Variants in GIPR observed in about 807,000 individuals in gnomAD.
The protein encoded by GIPR is GIP-R.
A neutral mutation model predicts 62.2 loss-of-function variants in GIPR; 74 were observed. The observed-to-expected ratio is 1.19, with a 90% CI of 0.99 to 1.44. The LOEUF (loss-of-function observed/expected upper bound fraction) is 1.44. GIPR is among the 40% of genes most tolerant of loss of function. The pLI is 0.00. For missense variants in GIPR, 664 were observed against 611.8 expected (o/e 1.09, Z -0.90); for synonymous variants, 256 against 262.2 (o/e 0.98, Z 0.23).
At position 45,677,927 on chromosome 19, in the gene GIPR, C is replaced by G; in HGVS notation, c.946C>G (p.Arg316Gly). 6.2e-7 allele frequency: 1 copy of G among 1,613,970 alleles called. No homozygotes were observed. Among genetic ancestry groups the G allele is most frequent in the Non-Finnish European group, 8.5e-7 (1 of 1,179,960 alleles). The part of the protein sequence containing the change: ...TILINFLIFI[R>G]ILGILLSKLR... Reference sequence around the variant, plus strand: ...ACAGATTAATTTCCTCATTTTTATCCGCATTCTTGGCATTCTCCTGTCCAA... The same window carrying G: ...ACAGATTAATTTCCTCATTTTTATCGGCATTCTTGGCATTCTCCTGTCCAA... The change falls in exon 11 of 14, where the codon CGC becomes GGC. Residue 316 changes from arginine to glycine, a missense_variant. Coordinates refer to ENST00000590918, the MANE Select transcript of GIPR (RefSeq NM_000164.4).
intron 4 of GIPR, among the ~76,000 whole-genome samples, chr19:45,671,736 A>G (rs965398752): frequency 6.6e-6 from 1 of 151,648 alleles, no homozygotes; most frequent in African/African-American, 2.4e-5. Flanking sequence ...AGAAGCCGGG[A>G]TTACAGAAGC....
chr19:45,674,237 G>GT, intron 6 of GIPR, 60 bp downstream of exon 6: 1 of 1,042,820 alleles, frequency 9.6e-7, no homozygotes, highest in South Asian at 1.3e-5. Context: ...AGTTTGTCCA[G>GT]TAAGATGGGG....
In GIPR at chr19:45,683,243, G is replaced by A. The variant is rs1023752771; in HGVS notation, c.*1308G>A. 2 of 152,592 alleles carry A rather than the reference G, an allele frequency of 1.3e-5. No individual in the cohort carries two copies. The highest frequency in any genetic ancestry group is 3.8e-4 in the East Asian group (2 of 5,200). The allele number at this position is 152,592 out of a possible 1,614,324, so 9.5% of individuals were successfully genotyped here. A position where few individuals can be genotyped will look rare whatever the true frequency, so the allele number is the denominator to read the frequency against. On this transcript the variant is annotated 3_prime_UTR_variant, in exon 14 of 14. Transcript: ENST00000590918. Reference sequence around the variant, plus strand: ...GAGCTCTCAGGAGAGGGGCGAGCTGGAGATAGTAATGTGAGAGGCACTGGG... The same window carrying A: ...GAGCTCTCAGGAGAGGGGCGAGCTGAAGATAGTAATGTGAGAGGCACTGGG...
intron 2 of GIPR, among the ~76,000 whole-genome samples, chr19:45,669,810 G>C (rs1183071639): frequency 2.0e-5 from 3 of 151,780 alleles, no homozygotes; most frequent in Non-Finnish European, 2.9e-5. Flanking sequence ...TTAGCCGGGC[G>C]TGGTGGCGGC....
chr19:45,669,972 T>C (rs1975452373), intron 2 of GIPR, among the ~76,000 whole-genome samples: 1 of 151,056 alleles, frequency 6.6e-6, no homozygotes. Flanking sequence ...GAGGCTTCCC[T>C]CAGCGCAAAG....
chr19:45,670,969 T>C (rs377246643), intron 3 of GIPR, among the ~76,000 whole-genome samples: 82 of 150,722 alleles, frequency 5.4e-4, no homozygotes, highest in Middle Eastern at 3.4e-3. Context: ...GAAATAAACC[T>C]TGAAGGGGGC....
chr19:45,675,151 G>A (rs894256256), intron 7 of GIPR: 11 of 348,464 alleles, frequency 3.2e-5, no homozygotes, highest in East Asian at 2.4e-4. Context: ...GGCAGGATAC[G>A]AGAAAGTAAG....
chr19:45,681,543 G>A lies in GIPR; in HGVS notation c.1153-61G>A, dbSNP rs934849492. 2.2e-5 allele frequency: 30 copies of A among 1,389,440 alleles called. No homozygotes were observed. The African/African-American group carries it at 4.1e-4, about 19-fold the overall frequency. 86.1% of individuals were successfully genotyped at this position (1,389,440 alleles called of 1,614,324 possible). ...ACAAACAAAAAACGGGGAGGGAGGCGCGGAGGCGGTTACAGTCCTGCCCCC... is the reference window on the plus strand; with the variant it reads ...ACAAACAAAAAACGGGGAGGGAGGCACGGAGGCGGTTACAGTCCTGCCCCC... On this transcript the variant is annotated intron_variant, in intron 12 of 13. Transcript: ENST00000590918.
At position 45,671,346 on chromosome 19, in the gene GIPR, C is replaced by G; in HGVS notation, c.234C>G (p.Ala78=). The G allele has an allele frequency of 6.2e-7, 1 of 1,612,770 alleles. No homozygotes were observed. The highest frequency in any genetic ancestry group is 1.1e-5 in the South Asian group (1 of 91,080). Residue 78 remains alanine, a synonymous_variant, in exon 4 of 14, where the codon GCC becomes GCG. Coordinates refer to ENST00000590918, the MANE Select transcript of GIPR (RefSeq NM_000164.4). ...YVCWDYAAPN[A]TARASCPWYL... ...GCTGGGACTATGCTGCACCCAATGCCACTGCCCGTGCGTCCTGCCCCTGGT... is the reference window on the plus strand; with the variant it reads ...GCTGGGACTATGCTGCACCCAATGCGACTGCCCGTGCGTCCTGCCCCTGGT...
intron 2 of GIPR, chr19:45,670,403 C>G (rs1975471975): frequency 2.2e-6 from 1 of 448,588 alleles, no homozygotes; most frequent in Non-Finnish European, 4.0e-6. Flanking sequence ...TAATTTCCAG[C>G]CACCCCCTCC....
chr19:45,677,358 G>A lies in GIPR; in HGVS notation c.829G>A (p.Val277Ile), dbSNP rs754923594. The A allele has an allele frequency of 1.2e-6, 2 of 1,602,020 alleles. No homozygotes were observed. The highest frequency in any genetic ancestry group is 1.1e-5 in the South Asian group (1 of 90,300). ...PALFVIPWVI[V>I]RYLYENTQCW... ...GCTTTTCGTCATTCCCTGGGTGATC[G>A]TCAGGTACCTGTACGAGAACACGCA... Residue 277 changes from valine (V) to isoleucine (I), a missense_variant, in exon 9 of 14, where the codon GTC becomes ATC. By Grantham distance (29) the Val-to-Ile change is conservative (BLOSUM62 3). Transcript: ENST00000590918.
At chr19:45,668,947 G>T (rs1016459166) in intron 1 of GIPR, among the ~76,000 whole-genome samples, 1 of 152,170 alleles carries the variant, frequency 6.6e-6, no homozygotes, top group African/African-American at 2.4e-5. Flanking sequence ...GAGAGTGGGA[G>T]CTCGGATGGG....
Position 45,676,977 on chromosome 19 carries a change from T to C in GIPR, c.662T>C (p.Ile221Thr), listed in dbSNP as rs916759726. The C allele has an allele frequency of 8.7e-6, 14 of 1,613,948 alleles. No homozygotes were observed. The highest frequency in any genetic ancestry group is 4.4e-5 in the South Asian group (4 of 91,086). ...CTCGCTGCCTGCCGCACGGCCCAGA[T>C]CGTGACCCAGTACTGCGTGGGTGCC... ...QALAACRTAQ[I>T]VTQYCVGANY... The change falls in exon 8 of 14, where the codon ATC (isoleucine) becomes ACC (threonine). Residue 221 changes from isoleucine (I) to threonine (T), a missense_variant. Ile to Thr is a moderately conservative substitution (Grantham distance 89). Coordinates refer to ENST00000590918, the MANE Select transcript of GIPR (RefSeq NM_000164.4).
At chr19:45,674,032 T>G (rs996041136) in intron 5 of GIPR, 42 bp from the exon 6 acceptor site, 13 of 1,184,746 alleles carry the variant, frequency 1.1e-5, no homozygotes, top group Admixed American at 5.0e-5. Flanking sequence ...GCCTGGGGCT[T>G]CGAGCCAAGC....
intron 3 of GIPR, among the ~76,000 whole-genome samples, chr19:45,670,993 G>A (rs1975507534): frequency 6.6e-6 from 1 of 151,780 alleles, no homozygotes; most frequent in African/African-American, 2.4e-5. Flanking sequence ...GTTTGGGATG[G>A]AGACTGGGAA....
In GIPR at chr19:45,670,660, G is replaced by A. The variant is rs762075272; in HGVS notation, c.98G>A (p.Gly33Glu). ...AETGSKGQTAGELYQRWERYR... is the reference protein window; with the variant it reads ...AETGSKGQTAEELYQRWERYR... ...ACAGGCTCTAAGGGGCAGACGGCGG[G>A]GGAGCTGTACCAGCGCTGGGAACGG... The change falls in exon 3 of 14, where the codon GGG (glycine) becomes GAG (glutamate). Residue 33 changes from glycine (G) to glutamate (E), a missense_variant. Transcript: ENST00000590918. The A allele has an allele frequency of 6.8e-6, 11 of 1,613,556 alleles. No individual in the cohort carries two copies. The Admixed American group carries it at 1.7e-4, about 24-fold the overall frequency.
intron 12 of GIPR, among the ~76,000 whole-genome samples, chr19:45,679,932 G>A (rs1214579368): frequency 6.6e-6 from 1 of 152,030 alleles, no homozygotes; most frequent in Non-Finnish European, 1.5e-5. Context: ...ACCACGCCTG[G>A]CTAAGTTTTG....
chr19:45,681,726 C>T lies in GIPR; in HGVS notation c.1195-3C>T, dbSNP rs1967244269. The T allele has an allele frequency of 6.2e-7, 1 of 1,611,120 alleles. No homozygotes were observed. Among genetic ancestry groups the T allele is most frequent in the Non-Finnish European group, 8.5e-7 (1 of 1,178,492 alleles). On this transcript the variant is annotated splice_polypyrimidine_tract_variant and splice_region_variant and intron_variant, in intron 13 of 13. Transcript: ENST00000590918. ...GCCGCCTCTGAGCGCCATCGTCTCACAGGTGCAGTCGGAGATCCGCCGTGG... is the reference window on the plus strand; with the variant it reads ...GCCGCCTCTGAGCGCCATCGTCTCATAGGTGCAGTCGGAGATCCGCCGTGG...
chr19:45,673,718 G>T (rs1321161502), intron 5 of GIPR, among the ~76,000 whole-genome samples: 1 of 152,154 alleles, frequency 6.6e-6, no homozygotes, highest in Non-Finnish European at 1.5e-5. Context: ...ACAAAAATTA[G>T]CTGGGCATGG....
Sources: gnomAD v4.1 joint callset for allele counts (sites outside exome capture counted in the v4.1 genomes callset) on GRCh38, gnomAD v4.1.1 for gene constraint, MANE v1.5 for transcripts, NCBI Gene and HGNC (gene_info 2026-07-23, HGNC 2026-07-21) for gene names.